Variants in GRID1 observed in about 807,000 individuals in gnomAD.
The protein encoded by GRID1 is glutamate receptor ionotropic, delta-1.
Under a neutral mutation model 98.0 loss-of-function variants are expected in GRID1, and 28 were observed. The observed-to-expected ratio is 0.29, with a 90% CI of 0.21 to 0.39. The LOEUF is 0.39. Among genes scored for constraint, GRID1 ranks in the 10% least tolerant of loss-of-function variants. The pLI is 1.00. For synonymous variants in GRID1, 553 were observed against 538.5 expected (o/e 1.03, Z -0.37); for missense variants, 1,111 against 1,340.5 (o/e 0.83, Z 2.67).
chr10:86,331,324 G>A (rs778575913), intron 2 of GRID1, among the ~76,000 whole-genome samples: 4 of 152,166 alleles, frequency 2.6e-5, no homozygotes, highest in Non-Finnish European at 5.9e-5. Flanking sequence ...ACACAGAGCC[G>A]TCCTGACAGG....
intron 8 of GRID1, among the ~76,000 whole-genome samples, chr10:85,789,789 G>T (rs1564591508): frequency 6.6e-6 from 1 of 152,058 alleles, no homozygotes; most frequent in Non-Finnish European, 1.5e-5. Context: ...GCAGGGGGTG[G>T]GTCCTGAACA....
chr10:85,602,817 G>C (rs151042072), intron 15 of GRID1, 116 bp from the exon 16 acceptor site: 2 of 702,388 alleles, frequency 2.8e-6, no homozygotes, highest in Non-Finnish European at 4.7e-6. Flanking sequence ...GGCTGTGGGC[G>C]AGTATCCCTT....
intron 8 of GRID1, among the ~76,000 whole-genome samples, chr10:85,745,652 G>C (rs1463654375): frequency 7.0e-6 from 1 of 142,280 alleles, no homozygotes; most frequent in Non-Finnish European, 1.5e-5. Flanking sequence ...CAGCGCACCA[G>C]CATGGCACAT....
At chr10:86,270,552 T>G (rs1219208150) in intron 2 of GRID1, among the ~76,000 whole-genome samples, 2 of 151,896 alleles carry the variant, frequency 1.3e-5, no homozygotes, top group East Asian at 1.9e-4. Flanking sequence ...TAGCCAGGTG[T>G]GGTGGTGCGT....
chr10:86,161,906 A>G (rs184765337), intron 3 of GRID1, among the ~76,000 whole-genome samples: 1 of 152,340 alleles, frequency 6.6e-6, no homozygotes, highest in Admixed American at 6.5e-5. Context: ...GCTAAAACCA[A>G]ATCAATAGAG....
At chr10:86,001,096 G>C (rs1312632105) in intron 4 of GRID1, among the ~76,000 whole-genome samples, 1 of 152,140 alleles carries the variant, frequency 6.6e-6, no homozygotes, top group East Asian at 1.9e-4. Flanking sequence ...TGGTCTCAAA[G>C]GCTACATACT....
At chr10:85,781,886 G>A (rs1053670822) in intron 8 of GRID1, among the ~76,000 whole-genome samples, 2 of 151,694 alleles carry the variant, frequency 1.3e-5, no homozygotes, top group African/African-American at 4.8e-5. Flanking sequence ...AAAAATGTCT[G>A]GGCTTAGAAT....
At chr10:85,985,294 T>C (rs1162679678) in intron 4 of GRID1, among the ~76,000 whole-genome samples, 1 of 152,218 alleles carries the variant, frequency 6.6e-6, no homozygotes, top group African/African-American at 2.4e-5. Context: ...ATATTCATGT[T>C]TGAGCCCAGG....
intron 2 of GRID1, among the ~76,000 whole-genome samples, chr10:86,358,169 A>T (rs976492315): frequency 6.6e-6 from 1 of 152,170 alleles, no homozygotes; most frequent in African/African-American, 2.4e-5. Flanking sequence ...TTCCAGGGTG[A>T]GCTTTGTAGA....
intron 2 of GRID1, among the ~76,000 whole-genome samples, chr10:86,224,245 G>C (rs1294506455): frequency 2.0e-5 from 3 of 152,186 alleles, no homozygotes; most frequent in Non-Finnish European, 4.4e-5. Flanking sequence ...TTGGTTGAAG[G>C]AAAGTGTGCT....
At chr10:85,701,946 T>C (rs1419530577) in intron 12 of GRID1, among the ~76,000 whole-genome samples, 1 of 152,022 alleles carries the variant, frequency 6.6e-6, no homozygotes, top group African/African-American at 2.4e-5. Context: ...ACACCACCTG[T>C]TCCCCAACAA....
chr10:85,813,281 T>C (rs188901625), intron 8 of GRID1, among the ~76,000 whole-genome samples: 10 of 151,682 alleles, frequency 6.6e-5, no homozygotes, highest in Admixed American at 3.9e-4. Flanking sequence ...AAGAAAACCA[T>C]GTCTACATAC....
intron 4 of GRID1, among the ~76,000 whole-genome samples, chr10:86,133,528 A>T (rs1050265139): frequency 1.3e-5 from 2 of 152,230 alleles, no homozygotes; most frequent in African/African-American, 4.8e-5. Flanking sequence ...CTCTTAGGCA[A>T]ATGTAAGCCT....
intron 4 of GRID1, among the ~76,000 whole-genome samples, chr10:86,020,956 A>G (rs1843040068): frequency 6.6e-6 from 1 of 152,244 alleles, no homozygotes; most frequent in East Asian, 1.9e-4. Flanking sequence ...ATGAGAAAAC[A>G]GAATATTAGC....
Position 86,302,728 on chromosome 10 carries a change from A to G in GRID1, c.235+61213T>C, listed in dbSNP as rs189305231. On this transcript the variant is annotated intron_variant, in intron 2 of 15. Coordinates refer to ENST00000327946, the MANE Select transcript of GRID1 (RefSeq NM_017551.3). ...AGATTCAGTAGCTGAAACATTCTAC[A>G]GGACAACTGGCCCATGCTATACAAG... Among the ~76,000 whole-genome samples, 806 of 152,338 alleles carry G rather than the reference A, an allele frequency of 5.3e-3. 7 individuals are homozygous for G. The highest frequency in any genetic ancestry group is 5.1e-3 in the Non-Finnish European group (348 of 68,034).
intron 8 of GRID1, among the ~76,000 whole-genome samples, chr10:85,832,451 A>T (rs1842875386): frequency 6.6e-6 from 1 of 152,204 alleles, no homozygotes; most frequent in Non-Finnish European, 1.5e-5. Flanking sequence ...CAAATGTGAT[A>T]CACAACAAGG....
Position 86,195,264 on chromosome 10 carries a change from T to A in GRID1, c.520+11100A>T, listed in dbSNP as rs1845856520. Among the ~76,000 whole-genome samples, 2 of 152,078 alleles carry A rather than the reference T, an allele frequency of 1.3e-5. No homozygotes were observed. Among genetic ancestry groups the A allele is most frequent in the Admixed American group, 1.3e-4 (2 of 15,256 alleles). ...TCTACATTTGCTGTAAAGGTTGAGC[T>A]GGAATTGCCATCCATTCTGTCCTTC... is the stretch of plus-strand genomic sequence containing the variant. On this transcript the variant is annotated intron_variant, in intron 3 of 15. Coordinates refer to ENST00000327946, the MANE Select transcript of GRID1 (RefSeq NM_017551.3). This position sits in a 1 kb window ranked among gnomAD's most constrained non-coding sequence, Gnocchi z 4.4.
At chr10:85,828,389 G>C (rs1842838787) in intron 8 of GRID1, among the ~76,000 whole-genome samples, 1 of 151,708 alleles carries the variant, frequency 6.6e-6, no homozygotes, top group African/African-American at 2.4e-5. Context: ...AATGAGAAAA[G>C]AAAAGAGATC....
chr10:86,170,087 C>T (rs2131992526), intron 3 of GRID1, among the ~76,000 whole-genome samples: 1 of 152,334 alleles, frequency 6.6e-6, no homozygotes, highest in Middle Eastern at 3.4e-3. Context: ...GCCACCTCTC[C>T]CAAGAAGGTC....
Sources: gnomAD v4.1 joint callset for allele counts (sites outside exome capture counted in the v4.1 genomes callset) on GRCh38, gnomAD v4.1.1 for gene constraint, Gnocchi (gnomAD v3.1) non-coding constraint, MANE v1.5 for transcripts, NCBI Gene and HGNC (gene_info 2026-07-23, HGNC 2026-07-21) for gene names.